RMC1: variants seen among roughly 807,000 people sequenced by gnomAD.
RMC1 encodes the protein regulator of MON1-CCZ1 complex.
Under a neutral mutation model 95.5 loss-of-function variants are expected in RMC1, and 44 were observed. That is an observed-to-expected ratio of 0.46 (90% confidence interval 0.36 to 0.59). The LOEUF is 0.59. Among genes scored for constraint, RMC1 ranks in the 20% least tolerant of loss-of-function variants. The pLI is 0.00. For missense variants in RMC1, 705 were observed against 819.6 expected, an observed-to-expected ratio of 0.86 and a Z score of 1.71; for synonymous variants, 320 against 303.6, an observed-to-expected ratio of 1.05 and a Z score of -0.56.
In RMC1 at chr18:23,509,190, T is replaced by C. The variant is rs2145143096; in HGVS notation, c.322-3T>C. ...AAAAATATTTTTAAAAAATTTTTCT[T>C]AGACTAAGAATGCCAACATTCTAGG... On this transcript the variant is annotated splice_region_variant and splice_polypyrimidine_tract_variant and intron_variant, in intron 4 of 19. Transcript: ENST00000269221. 2 of 1,351,862 alleles carry C rather than the reference T, an allele frequency of 1.5e-6. No individual in the cohort carries two copies. The highest frequency in any genetic ancestry group is 1.9e-6 in the Non-Finnish European group (2 of 1,031,280). The allele number at this position is 1,351,862 out of a possible 1,614,324, so 83.7% of individuals were successfully genotyped here.
intron 19 of RMC1, chr18:23,531,386 A>G (rs1046554014): frequency 5.9e-6 from 4 of 681,338 alleles, no homozygotes; most frequent in African/African-American, 5.4e-5. Context: ...TTCTAGGTCT[A>G]TTTCTAGCTC....
intron 19 of RMC1, 125 bp downstream of exon 19, chr18:23,530,737 A>C: frequency 2.4e-6 from 2 of 824,460 alleles, no homozygotes; most frequent in Admixed American, 2.8e-5. Context: ...ATAACAGCCC[A>C]CCTAGCCCTT....
intron 10 of RMC1, among the ~76,000 whole-genome samples, chr18:23,523,172 T>C (rs1225185433): frequency 6.6e-6 from 1 of 152,200 alleles, no homozygotes; most frequent in Non-Finnish European, 1.5e-5. Context: ...TTCCTACCTT[T>C]GGGTGGTCTG....
At chr18:23,526,446 T>TA (rs1354905232) in intron 12 of RMC1, among the ~76,000 whole-genome samples, 191 bp from the exon 13 acceptor site, 1 of 152,138 alleles carries the variant, frequency 6.6e-6, no homozygotes, top group Non-Finnish European at 1.5e-5. Flanking sequence ...CCTCCTGTGG[T>TA]AGACACGCTC....
chr18:23,523,962 C>G (rs2058219658), intron 10 of RMC1, among the ~76,000 whole-genome samples, 168 bp from the exon 11 acceptor site: 2 of 152,164 alleles, frequency 1.3e-5, no homozygotes, highest in Non-Finnish European at 2.9e-5. Flanking sequence ...TTCCCCCTTC[C>G]TCCCCGTACG....
chr18:23,526,855 G>A (rs1261198134), intron 13 of RMC1, 90 bp downstream of exon 13: 6 of 1,505,418 alleles, frequency 4.0e-6, no homozygotes, highest in Non-Finnish European at 5.4e-6. Flanking sequence ...ACATTGTTGT[G>A]TCTTGTCTGT....
At chr18:23,512,568 G>A (rs561426386) in intron 5 of RMC1, among the ~76,000 whole-genome samples, 1 of 151,526 alleles carries the variant, frequency 6.6e-6, no homozygotes, top group South Asian at 2.1e-4. Context: ...CTACAGGTGT[G>A]TGCCAGCACG....
intron 18 of RMC1, 40 bp from the exon 19 acceptor site, chr18:23,530,346 TG>T (rs768174368): frequency 3.5e-5 from 56 of 1,613,874 alleles, no homozygotes; most frequent in Non-Finnish European, 1.7e-6. Flanking sequence ...ACTCTGTTCC[TG>T]TTGTTTGCAC....
At chr18:23,505,354 A>T (rs1455931061) in intron 2 of RMC1, among the ~76,000 whole-genome samples, 1 of 151,990 alleles carries the variant, frequency 6.6e-6, no homozygotes, top group East Asian at 1.9e-4. Context: ...GAGCCGCTGC[A>T]CCCGGCCTGA....
At chr18:23,522,077 G>A (rs928771680) in intron 10 of RMC1, among the ~76,000 whole-genome samples, 5 of 152,186 alleles carry the variant, frequency 3.3e-5, no homozygotes, top group African/African-American at 7.2e-5. Flanking sequence ...GTTCAGAATC[G>A]CACTCTGGCT....
rs775853729 is a variant in RMC1 at position 23,529,180 on chromosome 18, C to T, written c.1298C>T (p.Ala433Val). 7 of 1,608,478 alleles carry T rather than the reference C, an allele frequency of 4.4e-6. No homozygotes were observed. Among genetic ancestry groups the T allele is most frequent in the East Asian group, 2.2e-5 (1 of 44,866 alleles). Reference sequence around the variant, plus strand: ...TAGTTTGTGGTTTTTTTCTTTCAGGCGGTGGAAGCAGGGCAGAGCCGAAGC... The same window carrying T: ...TAGTTTGTGGTTTTTTTCTTTCAGGTGGTGGAAGCAGGGCAGAGCCGAAGC... ...YLDAEQSYAMAVEAGQSRSSP... is the reference protein window; with the variant it reads ...YLDAEQSYAMVVEAGQSRSSP... Residue 433 changes from alanine (A) to valine (V), a missense_variant and splice_region_variant, in exon 15 of 20, where the codon GCG becomes GTG. Transcript: ENST00000269221.
chr18:23,519,087 G>C lies in RMC1; in HGVS notation c.762G>C (p.Lys254Asn). The stretch of plus-strand genomic sequence containing the variant: ...CCTACAGAGAAGGTGCCTGTAAAAA[G>C]ATGCACATATTGAAGTTAAATAGGA... ...YHLPREGACK[K>N]MHILKLNRTG... The change falls in exon 9 of 20, where the codon AAG becomes AAC. Residue 254 changes from lysine (K) to asparagine (N), a missense_variant. Transcript: ENST00000269221. 6.2e-7 allele frequency: 1 copy of C among 1,614,152 alleles called. No individual in the cohort carries two copies. The highest frequency in any genetic ancestry group is 8.5e-7 in the Non-Finnish European group (1 of 1,180,020).
chr18:23,531,555 C>G, intron 19 of RMC1, 70 bp from the exon 20 acceptor site: 1 of 1,581,516 alleles, frequency 6.3e-7, no homozygotes, highest in African/African-American at 1.4e-5. Flanking sequence ...GTAGACACAC[C>G]TACGAGATGC....
intron 2 of RMC1, 32 bp downstream of exon 2, chr18:23,504,479 T>C (rs1480930751): frequency 6.5e-7 from 1 of 1,545,250 alleles, no homozygotes. Context: ...GATCATTTTG[T>C]CATGTAAACA....
Position 23,530,587 on chromosome 18 carries a change from G to A in RMC1, c.1869G>A (p.Leu623=). The A allele has an allele frequency of 6.2e-7, 1 of 1,613,944 alleles. No homozygotes were observed. The highest frequency in any genetic ancestry group is 8.5e-7 in the Non-Finnish European group (1 of 1,179,836). Residue 623 remains leucine, a synonymous_variant, in exon 19 of 20, where the codon TTG becomes TTA. Transcript: ENST00000269221. ...FRFFEQRNQR[L]RGSPNFTPGE... ...TTTTTGAACAGCGAAACCAGCGTTTGCGAGGGAGCCCCAATTTCACACCAG... is the reference window on the plus strand; with the variant it reads ...TTTTTGAACAGCGAAACCAGCGTTTACGAGGGAGCCCCAATTTCACACCAG...
At chr18:23,525,112 A>G (rs1225402419) in intron 12 of RMC1, among the ~76,000 whole-genome samples, 2 of 151,218 alleles carry the variant, frequency 1.3e-5, no homozygotes, top group African/African-American at 4.9e-5. Context: ...ACGCCCAGCT[A>G]ATTTTGTATT....
At chr18:23,510,700 C>T (rs1598850583) in intron 5 of RMC1, among the ~76,000 whole-genome samples, 1 of 151,650 alleles carries the variant, frequency 6.6e-6, no homozygotes, top group African/African-American at 2.4e-5. Flanking sequence ...AAAGAAGACA[C>T]ACATGCGACC....
chr18:23,510,059 A>C (rs1788808), intron 5 of RMC1, among the ~76,000 whole-genome samples: 2 of 148,900 alleles, frequency 1.3e-5, no homozygotes, highest in African/African-American at 4.9e-5. Flanking sequence ...TTGGTGGCCC[A>C]TGCCTGTAAT....
rs2057990890 is a variant in RMC1, at chr18:23,515,943, A to G, written c.496A>G (p.Ile166Val). 1 of 1,613,956 alleles carries G rather than the reference A, an allele frequency of 6.2e-7. No individual in the cohort carries two copies. ...CATGTACTGCCCCGAGAGCGCCGTG[A>G]TCTTGCTGTCTACCACGGTCCTGGA... ...WYMYCPESAV[I>V]LLSTTVLENV... The change falls in exon 6 of 20, where the codon ATC becomes GTC. Residue 166 changes from isoleucine to valine, a missense_variant. Physicochemically the swap from Ile to Val is conservative, Grantham distance 29 (BLOSUM62 3). Transcript: ENST00000269221.
Sources: allele counts gnomAD v4.1 joint callset (sites outside exome capture counted in the v4.1 genomes callset), GRCh38; gene constraint gnomAD v4.1.1; transcripts MANE v1.5; gene names NCBI Gene and HGNC (gene_info 2026-07-23, HGNC 2026-07-21).